The following ESRRG variants were observed in gnomAD, a reference collection of about 807,000 sequenced individuals.
ESRRG encodes estrogen related receptor gamma, also known as estrogen-related receptor gamma.
A neutral mutation model predicts 44.0 loss-of-function variants in ESRRG; 13 were observed. The ratio of observed to expected loss-of-function variants is 0.30; its 90% CI spans 0.19 to 0.47. The LOEUF is 0.47. Among genes scored for constraint, ESRRG ranks in the 20% least tolerant of loss-of-function variants. ESRRG has a pLI of 1.00. For missense variants in ESRRG, 395 were observed against 580.6 expected, an observed-to-expected ratio of 0.68 and a Z score of 3.29; for synonymous variants, 215 against 214.6, an observed-to-expected ratio of 1.00 and a Z score of -0.02.
At chr1:216,588,940 A>G (rs992994971) in intron 3 of ESRRG, among the ~76,000 whole-genome samples, 17 of 152,200 alleles carry the variant, frequency 1.1e-4, no homozygotes, top group African/African-American at 4.1e-4. Flanking sequence ...CCAAGTGTGT[A>G]TCATTAATAT....
chr1:216,884,638 T>C (rs1022849238), intron 2 of ESRRG, among the ~76,000 whole-genome samples: 2 of 152,218 alleles, frequency 1.3e-5, no homozygotes, highest in Non-Finnish European at 2.9e-5. Flanking sequence ...CAGTTTCCTC[T>C]AGTCTAGGAC....
At chr1:216,979,236 C>T (rs2073508432) in intron 1 of ESRRG, among the ~76,000 whole-genome samples, 1 of 152,114 alleles carries the variant, frequency 6.6e-6, no homozygotes, top group African/African-American at 2.4e-5. Context: ...TTGAAAAAGA[C>T]TTTCCTTACA....
chr1:217,097,102 C>G (rs1322424297), intron 1 of ESRRG, among the ~76,000 whole-genome samples: 1 of 152,110 alleles, frequency 6.6e-6, no homozygotes, highest in Non-Finnish European at 1.5e-5. Flanking sequence ...GTAGTCCCAG[C>G]TACTCAGGAG....
intron 1 of ESRRG, among the ~76,000 whole-genome samples, chr1:217,135,432 A>G (rs1334809723): frequency 6.6e-6 from 1 of 152,140 alleles, no homozygotes; most frequent in Non-Finnish European, 1.5e-5. Context: ...ATGAGAAGGG[A>G]GAAATCAAAG....
chr1:217,085,592 G>A (rs2092040222), intron 1 of ESRRG, among the ~76,000 whole-genome samples: 1 of 137,762 alleles, frequency 7.3e-6, no homozygotes, highest in Admixed American at 8.1e-5. Flanking sequence ...CCGGGTGCAA[G>A]CCATTCTCCT....
At position 217,133,249 on chromosome 1, in the gene ESRRG, G is replaced by A. The variant is rs146810252; in HGVS notation, c.-230+4418C>T. ...GGAAGCTCCCGAATTTTAAGATCCC[G>A]TCAAAGGCGGGAAAAGCCCTAATGC... On this transcript the variant is annotated intron_variant, in intron 1 of 8. Transcript: ENST00000366940. 3.5e-4 allele frequency among the ~76,000 whole-genome samples: 54 copies of A among 152,366 alleles called. 1 individual carries two copies. In the East Asian group the frequency reaches 8.7e-3, roughly 25 times the overall value.
chr1:217,044,785 T>G (rs1245604451), intron 1 of ESRRG, among the ~76,000 whole-genome samples: 1 of 152,186 alleles, frequency 6.6e-6, no homozygotes, highest in African/African-American at 2.4e-5. Context: ...ACTTGGTTAT[T>G]AAAATCCCTG....
chr1:216,744,210 C>A (rs1407568009), intron 2 of ESRRG, among the ~76,000 whole-genome samples: 1 of 152,068 alleles, frequency 6.6e-6, no homozygotes, highest in African/African-American at 2.4e-5. Context: ...TGCCTCTGAA[C>A]AAACGGCAAT....
intron 3 of ESRRG, among the ~76,000 whole-genome samples, chr1:216,595,252 C>T (rs1339534102): frequency 6.6e-6 from 1 of 152,170 alleles, no homozygotes; most frequent in East Asian, 1.9e-4. Flanking sequence ...GGAAGGCTTA[C>T]TTATGTTTAA....
chr1:216,572,785 A>T (rs2061044248), intron 3 of ESRRG, among the ~76,000 whole-genome samples: 1 of 152,100 alleles, frequency 6.6e-6, no homozygotes, highest in Admixed American at 6.6e-5. Context: ...CAAAGGACAG[A>T]AGTATTTAAC....
At chr1:216,796,722 C>T (rs2094478536) in intron 2 of ESRRG, among the ~76,000 whole-genome samples, 1 of 152,006 alleles carries the variant, frequency 6.6e-6, no homozygotes. Context: ...ATCTCTTTAA[C>T]CCTAAGTTCT....
At chr1:216,513,959 T>C (rs949362034) in intron 6 of ESRRG, among the ~76,000 whole-genome samples, 5 of 152,288 alleles carry the variant, frequency 3.3e-5, no homozygotes, top group African/African-American at 1.2e-4. Flanking sequence ...TATCTTATGC[T>C]ATAATCATTT....
At chr1:216,766,724 A>G (rs2152373782) in intron 2 of ESRRG, among the ~76,000 whole-genome samples, 1 of 152,206 alleles carries the variant, frequency 6.6e-6, no homozygotes, top group South Asian at 2.1e-4. Context: ...TACACCAGAG[A>G]CACTGACCTA....
chr1:216,587,468 C>T (rs1378602831), intron 3 of ESRRG, among the ~76,000 whole-genome samples: 1 of 152,034 alleles, frequency 6.6e-6, no homozygotes, highest in African/African-American at 2.4e-5. Flanking sequence ...TATCAAATTG[C>T]TTATGAGGAC....
chr1:216,929,124 T>A (rs942052989), intron 2 of ESRRG, among the ~76,000 whole-genome samples: 2 of 152,024 alleles, frequency 1.3e-5, no homozygotes, highest in Non-Finnish European at 2.9e-5. Context: ...TAAAAAAAAA[T>A]ACTGGAAAAA....
At chr1:217,126,726 A>G (rs1005468463) in intron 1 of ESRRG, among the ~76,000 whole-genome samples, 2 of 152,190 alleles carry the variant, frequency 1.3e-5, no homozygotes, top group Non-Finnish European at 2.9e-5. Flanking sequence ...AATAATAATT[A>G]ACAATTGTTA....
At chr1:216,809,541 T>A (rs2094904792) in intron 2 of ESRRG, among the ~76,000 whole-genome samples, 1 of 152,198 alleles carries the variant, frequency 6.6e-6, no homozygotes, top group Non-Finnish European at 1.5e-5. Flanking sequence ...TCCTGAAATT[T>A]AAGAACATTT....
intron 2 of ESRRG, among the ~76,000 whole-genome samples, chr1:216,800,071 A>T (rs2148279079): frequency 6.6e-6 from 1 of 152,356 alleles, no homozygotes; most frequent in Non-Finnish European, 1.5e-5. Flanking sequence ...GTGCTAAATT[A>T]AGAAATGTAG....
intron 1 of ESRRG, among the ~76,000 whole-genome samples, chr1:217,075,593 C>CCCG (rs1553275046): frequency 6.8e-6 from 1 of 147,862 alleles, no homozygotes; most frequent in African/African-American, 2.5e-5. Flanking sequence ...CTCCTTTCCC[C>CCCG]CCCCCAACAT....
Sources: allele counts gnomAD v4.1 joint callset (sites outside exome capture counted in the v4.1 genomes callset), GRCh38; gene constraint gnomAD v4.1.1; transcripts MANE v1.5; gene names NCBI Gene and HGNC (gene_info 2026-07-23, HGNC 2026-07-21).